Variants in AMPH observed in about 807,000 individuals in gnomAD.
The protein encoded by AMPH is amphiphysin.
Under a neutral mutation model 99.1 loss-of-function variants are expected in AMPH, and 49 were observed. The observed-to-expected ratio is 0.49, with a 90% CI of 0.39 to 0.63. AMPH has a LOEUF of 0.63. Among genes scored for constraint, AMPH ranks in the 20% least tolerant of loss-of-function variants. AMPH has a pLI of 0.00. For synonymous variants in AMPH, 314 were observed against 317.3 expected (o/e 0.99, Z 0.11); for missense variants, 759 against 863.4 (o/e 0.88, Z 1.52).
intron 11 of AMPH, among the ~76,000 whole-genome samples, chr7:38,458,407 AAAAAG>A (rs1395477618): frequency 6.6e-6 from 1 of 152,154 alleles, no homozygotes; most frequent in Non-Finnish European, 1.5e-5. Context: ...CACCAACAAC[AAAAAG>A]AAAACTATAA....
chr7:38,394,021 T>C lies in AMPH; in HGVS notation c.1592A>G (p.Glu531Gly). Residue 531 changes from glutamate to glycine, a missense_variant, in exon 18 of 21, where the codon GAA becomes GGA. Around this residue, in one of 2 missense-constraint regions of AMPH, gnomAD observed 554 missense variants for 575.6 expected, o/e 0.96. Transcript: ENST00000356264. ...GACACTCACCTGAGGCACTGTTGCT[T>C]CGAGCTCCTCTGCTTCAGGTTGGGC... is the stretch of plus-strand genomic sequence containing the variant. ...ESAQPEAEEL[E>G]ATVPQEKVIP... 6.8e-6 allele frequency: 11 copies of C among 1,614,194 alleles called. No homozygotes were observed. The South Asian group carries it at 1.2e-4, about 18-fold the overall frequency.
At chr7:38,579,632 C>T (rs1051719468) in intron 1 of AMPH, among the ~76,000 whole-genome samples, 17 of 152,250 alleles carry the variant, frequency 1.1e-4, no homozygotes, top group African/African-American at 4.1e-4. Flanking sequence ...TTAAGAAATG[C>T]CTGGTCCAAA....
chr7:38,627,524 G>A (rs1451226677), intron 1 of AMPH, among the ~76,000 whole-genome samples: 1 of 151,598 alleles, frequency 6.6e-6, no homozygotes, highest in Non-Finnish European at 1.5e-5. Context: ...GCGTGGTGGT[G>A]GGCACCTGTA....
chr7:38,500,233 G>A (rs1157203440), intron 3 of AMPH, among the ~76,000 whole-genome samples: 1 of 152,162 alleles, frequency 6.6e-6, no homozygotes, highest in Non-Finnish European at 1.5e-5. Flanking sequence ...GTTGACTTTA[G>A]CATATTAAGG....
At chr7:38,584,686 C>T (rs545729631) in intron 1 of AMPH, among the ~76,000 whole-genome samples, 8 of 152,278 alleles carry the variant, frequency 5.3e-5, no homozygotes, top group South Asian at 2.1e-4. Flanking sequence ...CAGTTTCTGA[C>T]GAGAGAACTA....
chr7:38,386,371 T>C (rs1456025622), intron 20 of AMPH, among the ~76,000 whole-genome samples: 1 of 152,180 alleles, frequency 6.6e-6, no homozygotes, highest in Non-Finnish European at 1.5e-5. Flanking sequence ...TGGAGCCAAG[T>C]AGAGTTAAGC....
intron 1 of AMPH, among the ~76,000 whole-genome samples, chr7:38,538,679 GA>G (rs1350924180): frequency 1.3e-5 from 2 of 152,168 alleles, no homozygotes; most frequent in Non-Finnish European, 2.9e-5. Flanking sequence ...AGCAATAAAC[GA>G]CAGAACCGGA....
chr7:38,400,168 C>G (rs188742863), intron 17 of AMPH, among the ~76,000 whole-genome samples: 1 of 152,172 alleles, frequency 6.6e-6, no homozygotes, highest in African/African-American at 2.4e-5. Context: ...CTCCGCCCCC[C>G]AGGTTCAAGC....
At chr7:38,531,988 T>C (rs1445362330) in intron 2 of AMPH, among the ~76,000 whole-genome samples, 1 of 152,164 alleles carries the variant, frequency 6.6e-6, no homozygotes, top group Admixed American at 6.5e-5. Flanking sequence ...TCCTTCCTTC[T>C]AGGTTAATGT....
At chr7:38,438,188 C>T (rs1239290375) in intron 11 of AMPH, among the ~76,000 whole-genome samples, 1 of 152,220 alleles carries the variant, frequency 6.6e-6, no homozygotes, top group Non-Finnish European at 1.5e-5. Context: ...AACATTACCT[C>T]ATGTTAACAC....
At chr7:38,464,492 A>T (rs138550101) in intron 9 of AMPH, among the ~76,000 whole-genome samples, 3 of 152,352 alleles carry the variant, frequency 2.0e-5, no homozygotes, top group African/African-American at 7.2e-5. Context: ...TAAGAAAATT[A>T]ACAATCTCTA....
At chr7:38,457,284 T>C (rs79189522) in intron 11 of AMPH, among the ~76,000 whole-genome samples, 2,412 of 152,278 alleles carry the variant, frequency 0.016, 69 homozygotes, top group African/African-American at 0.055. Context: ...CTCAGTGAGA[T>C]ACAAGAAAAT....
At chr7:38,464,587 T>C (rs1410006165) in intron 9 of AMPH, among the ~76,000 whole-genome samples, 1 of 152,182 alleles carries the variant, frequency 6.6e-6, no homozygotes, top group Non-Finnish European at 1.5e-5. Flanking sequence ...AATAAGTGTT[T>C]GTATTAAAAT....
At chr7:38,571,280 T>A (rs1487539983) in intron 1 of AMPH, among the ~76,000 whole-genome samples, 446 of 37,316 alleles carry the variant, frequency 0.012, 15 homozygotes, top group Middle Eastern at 0.077. Flanking sequence ...TATATATATT[T>A]TTATATATAT....
At chr7:38,483,085 C>T (rs1334625282) in intron 5 of AMPH, among the ~76,000 whole-genome samples, 1 of 152,096 alleles carries the variant, frequency 6.6e-6, no homozygotes. Flanking sequence ...GAGGGAACCT[C>T]CAGCTACCTA....
intron 13 of AMPH, among the ~76,000 whole-genome samples, chr7:38,431,257 T>G (rs1786007899): frequency 6.6e-6 from 1 of 152,184 alleles, no homozygotes; most frequent in Non-Finnish European, 1.5e-5. Flanking sequence ...CCAGACACCA[T>G]GCTACATACT....
intron 1 of AMPH, among the ~76,000 whole-genome samples, chr7:38,537,402 T>C (rs1413296802): frequency 1.3e-5 from 2 of 152,188 alleles, no homozygotes. Context: ...ATTATTATTA[T>C]AGTTATTTTT....
chr7:38,602,606 A>G (rs1180885767), intron 1 of AMPH, among the ~76,000 whole-genome samples: 1 of 152,100 alleles, frequency 6.6e-6, no homozygotes, highest in African/African-American at 2.4e-5. Flanking sequence ...CAGTGAGCCT[A>G]CCCCAGTAAT....
At chr7:38,521,029 T>C (rs755999511) in intron 2 of AMPH, among the ~76,000 whole-genome samples, 1 of 152,166 alleles carries the variant, frequency 6.6e-6, no homozygotes, top group Non-Finnish European at 1.5e-5. Flanking sequence ...ATCAAATCCT[T>C]AGGGATGGCC....
Sources: gnomAD v4.1 joint callset for allele counts (sites outside exome capture counted in the v4.1 genomes callset) on GRCh38, gnomAD v4.1.1 for gene constraint, gnomAD v4.1.1 regional missense constraint, MANE v1.5 for transcripts, NCBI Gene and HGNC (gene_info 2026-07-23, HGNC 2026-07-21) for gene names.